SDK2: variants seen among roughly 807,000 people sequenced by gnomAD.
The protein encoded by SDK2 is protein sidekick-2.
SDK2 carries 105 observed loss-of-function variants against 253.9 expected under a neutral mutation model. The observed-to-expected ratio is 0.41, with a 90% CI of 0.35 to 0.49. The LOEUF (loss-of-function observed/expected upper bound fraction) is 0.49. Ranked by LOEUF, SDK2 falls within the 20% of genes least tolerant of loss-of-function variation. The pLI, the probability that SDK2 is intolerant of heterozygous loss-of-function variation, is 0.06. For missense variants in SDK2, 2,608 were observed against 3,003.0 expected (o/e 0.87, Z 3.07); for synonymous variants, 1,249 against 1,234.9 (o/e 1.01, Z -0.24).
At chr17:73,450,269 A>C (rs1026274753) in intron 4 of SDK2, among the ~76,000 whole-genome samples, 2 of 152,230 alleles carry the variant, frequency 1.3e-5, no homozygotes, top group Non-Finnish European at 2.9e-5. Flanking sequence ...TCCTCTGTGC[A>C]GGGGTGGAAG....
At chr17:73,500,305 C>A (rs2063878570) in intron 2 of SDK2, among the ~76,000 whole-genome samples, 1 of 142,632 alleles carries the variant, frequency 7.0e-6, no homozygotes, top group Non-Finnish European at 1.5e-5. Flanking sequence ...TCTCCTCCAT[C>A]CTTCTCCATC....
At chr17:73,483,685 ATATATATATATATATATATATATTTTTT>A (rs1426857013) in intron 2 of SDK2, among the ~76,000 whole-genome samples, 3 of 64,348 alleles carry the variant, frequency 4.7e-5, no homozygotes, top group African/African-American at 1.8e-4. Context: ...ATATATATTT[ATATATATATATATATATATATATTTTTT>A]TTTTTTTTTA....
chr17:73,595,680 C>A (rs1385420858), intron 1 of SDK2, among the ~76,000 whole-genome samples: 2 of 152,128 alleles, frequency 1.3e-5, no homozygotes, highest in Non-Finnish European at 2.9e-5. Flanking sequence ...AGCTGGGGTG[C>A]GGGGAGTAGC....
chr17:73,419,128 C>T, intron 16 of SDK2, 38 bp downstream of exon 16: 2 of 1,604,252 alleles, frequency 1.2e-6, no homozygotes, highest in Non-Finnish European at 1.7e-6. Context: ...TGCCTTTCCC[C>T]TTGGGACTGG....
chr17:73,422,310 T>C lies in SDK2; in HGVS notation c.2022A>G (p.Gly674=). The C allele has an allele frequency of 6.2e-7, 1 of 1,613,796 alleles. No homozygotes were observed. ...RLCAVNDVGK[G]QFSKDTERVS... ...ACCTCTCGGTGTCTTTGCTGAACTG[T>C]CCTTTCCCCACGTCGTTGACGGCAC... is the stretch of plus-strand genomic sequence containing the variant. The change falls in exon 15 of 45, where the codon GGA becomes GGG. Residue 674 remains glycine (G), a synonymous_variant. Coordinates refer to ENST00000392650, the MANE Select transcript of SDK2 (RefSeq NM_001144952.2).
At chr17:73,444,115 T>C (rs1425748894) in intron 5 of SDK2, among the ~76,000 whole-genome samples, 1 of 152,154 alleles carries the variant, frequency 6.6e-6, no homozygotes, top group Non-Finnish European at 1.5e-5. Flanking sequence ...CCTCCCCTCC[T>C]GGAGATTTGC....
chr17:73,535,997 CT>C (rs1359114316), intron 1 of SDK2, among the ~76,000 whole-genome samples: 1 of 152,174 alleles, frequency 6.6e-6, no homozygotes, highest in African/African-American at 2.4e-5. Context: ...TTTTCCTTTT[CT>C]GATTTCACAC....
chr17:73,594,266 A>G (rs983624574), intron 1 of SDK2, among the ~76,000 whole-genome samples: 1 of 151,458 alleles, frequency 6.6e-6, no homozygotes, highest in African/African-American at 2.4e-5. Flanking sequence ...TCGACCCTTG[A>G]CCCCCTCAGG....
chr17:73,447,303 C>T lies in SDK2; in HGVS notation c.613+312G>A, dbSNP rs73996329. ...AGTGGCTGCAACTCACACATGCACACGCTCTTCCTCTGCCCCACCCCTCCC... is the reference window on the plus strand; with the variant it reads ...AGTGGCTGCAACTCACACATGCACATGCTCTTCCTCTGCCCCACCCCTCCC... On this transcript the variant is annotated intron_variant, in intron 5 of 44. Coordinates refer to ENST00000392650, the MANE Select transcript of SDK2 (RefSeq NM_001144952.2). The surrounding 1 kb of genome is among the most constrained non-coding windows in gnomAD (Gnocchi z 4.0). 0.038 allele frequency among the ~76,000 whole-genome samples: 5,787 copies of T among 152,248 alleles called. 391 individuals carry two copies. Among genetic ancestry groups the T allele is most frequent in the African/African-American group, 0.13 (5,470 of 41,506 alleles).
At chr17:73,415,087 C>T (rs968019188) in intron 17 of SDK2, among the ~76,000 whole-genome samples, 2 of 147,852 alleles carry the variant, frequency 1.4e-5, no homozygotes, top group Non-Finnish European at 3.0e-5. Context: ...CACAGAAGGT[C>T]CCCATATGCC....
At chr17:73,603,670 C>T (rs2045870825) in intron 1 of SDK2, among the ~76,000 whole-genome samples, 1 of 152,234 alleles carries the variant, frequency 6.6e-6, no homozygotes, top group African/African-American at 2.4e-5. Flanking sequence ...GTTATAGCTT[C>T]TCCTTAAAGC....
At chr17:73,392,253 G>A (rs1008707608) in intron 27 of SDK2, among the ~76,000 whole-genome samples, 3 of 149,760 alleles carry the variant, frequency 2.0e-5, no homozygotes, top group African/African-American at 7.5e-5. Context: ...AACAGAATAA[G>A]ATGTCTGAGA....
intron 15 of SDK2, among the ~76,000 whole-genome samples, chr17:73,421,078 C>T (rs772864683): frequency 6.6e-6 from 1 of 152,266 alleles, no homozygotes; most frequent in Non-Finnish European, 1.5e-5. Context: ...GCTTCCCCTA[C>T]ACTTTCAGCC....
rs149660021 is a variant in SDK2 at position 73,350,386 on chromosome 17, C to T, written c.5900-11G>A. The T allele has an allele frequency of 5.2e-4, 830 of 1,611,136 alleles. 1 individual carries two copies. In the African/African-American group the frequency reaches 6.0e-3, roughly 12 times the overall value. Reference sequence around the variant, plus strand: ...ACTTGGCACTGTTCCCTGAAGTCGGCGGGAGATTGACACCCTTTAGACTGT... The same window carrying T: ...ACTTGGCACTGTTCCCTGAAGTCGGTGGGAGATTGACACCCTTTAGACTGT... On this transcript the variant is annotated splice_polypyrimidine_tract_variant and intron_variant, in intron 42 of 44. Transcript: ENST00000392650.
At position 73,391,485 on chromosome 17, in the gene SDK2, G is replaced by A. The variant is rs750724769; in HGVS notation, c.3952C>T (p.Arg1318Trp). 8 of 1,309,654 alleles carry A rather than the reference G, an allele frequency of 6.1e-6. No homozygotes were observed. Among genetic ancestry groups the A allele is most frequent in the Admixed American group, 6.2e-5 (2 of 32,450 alleles). 81.1% of individuals were successfully genotyped at this position (1,309,654 alleles called of 1,614,324 possible). A position where few individuals can be genotyped will look rare whatever the true frequency, so the allele number is the denominator to read the frequency against. ...LFPEVRTTSV[R>W]LIWQPPAAPN... is the part of the protein sequence containing the mutation. ...GCGGCAGGGGGCTGCCAGATCAGCC[G>A]CACAGACGTGGTCCGCACCTCTGGG... The change falls in exon 28 of 45, where the codon CGG becomes TGG. Residue 1318 changes from arginine (R) to tryptophan (W), a missense_variant. Around this residue, in one of 2 missense-constraint regions of SDK2, gnomAD observed 1,505 missense variants for 1,859.1 expected, o/e 0.81. Coordinates refer to ENST00000392650, the MANE Select transcript of SDK2 (RefSeq NM_001144952.2).
intron 7 of SDK2, 51 bp downstream of exon 7, chr17:73,437,913 C>T (rs916244620): frequency 8.6e-5 from 137 of 1,587,106 alleles, no homozygotes; most frequent in Admixed American, 1.8e-4. Flanking sequence ...GGACCCTCGC[C>T]GTGCTGCCCC....
intron 16 of SDK2, among the ~76,000 whole-genome samples, chr17:73,417,491 C>T (rs2063192480): frequency 6.6e-6 from 1 of 151,952 alleles, no homozygotes; most frequent in Non-Finnish European, 1.5e-5. Context: ...GTTCAAGGGT[C>T]AACTGTAATT....
intron 18 of SDK2, among the ~76,000 whole-genome samples, chr17:73,403,134 C>T (rs2063042739): frequency 1.3e-5 from 2 of 152,158 alleles, no homozygotes; most frequent in African/African-American, 4.8e-5. Flanking sequence ...AACTGAGGCT[C>T]AAAGAGGCTC....
At chr17:73,597,639 ATTTTC>A (rs1250068004) in intron 1 of SDK2, among the ~76,000 whole-genome samples, 2 of 144,616 alleles carry the variant, frequency 1.4e-5, no homozygotes, top group Admixed American at 6.9e-5. Context: ...CTTCTGGACT[ATTTTC>A]TTTTCTTTTT....
Sources: allele counts gnomAD v4.1 joint callset (sites outside exome capture counted in the v4.1 genomes callset), GRCh38; gene constraint gnomAD v4.1.1; regional missense constraint gnomAD v4.1.1; non-coding constraint Gnocchi (gnomAD v3.1); transcripts MANE v1.5; gene names NCBI Gene and HGNC (gene_info 2026-07-23, HGNC 2026-07-21).